MAPT: variants seen among roughly 807,000 people sequenced by gnomAD.
MAPT encodes the protein microtubule-associated protein tau.
In MAPT, 34 loss-of-function variants were observed where a neutral mutation model predicts 67.9. The observed-to-expected ratio is 0.50, with a 90% CI of 0.38 to 0.67. The LOEUF (loss-of-function observed/expected upper bound fraction) is 0.67, where lower values mean the gene tolerates loss of function less well. Ranked by LOEUF, MAPT falls within the 30% of genes least tolerant of loss-of-function variation. MAPT has a pLI of 0.00. For synonymous variants in MAPT, 456 were observed against 464.5 expected (o/e 0.98, Z 0.23); for missense variants, 881 against 1,115.2 (o/e 0.79, Z 2.99).
intron 9 of MAPT, among the ~76,000 whole-genome samples, chr17:45,998,140 C>G (rs12450013): frequency 0.023 from 3,577 of 152,240 alleles, 221 homozygotes; most frequent in East Asian, 0.19. Flanking sequence ...CAGGCGCTCT[C>G]CACACCATTG....
rs1458644271 is a variant in MAPT at position 45,915,544 on chromosome 17, ATG to A, written c.-18+20864_-18+20865del. Among the ~76,000 whole-genome samples the A allele has an allele frequency of 2.0e-4, 29 of 146,506 alleles. No homozygotes were observed. Among genetic ancestry groups the A allele is most frequent in the African/African-American group, 2.5e-5 (1 of 39,634 alleles). On this transcript the variant is annotated intron_variant, in intron 1 of 12. Coordinates refer to ENST00000262410, the MANE Select transcript of MAPT (RefSeq NM_001377265.1). This position sits in a 1 kb window ranked among gnomAD's most constrained non-coding sequence, Gnocchi z 4.4. ...GTGTCTGTGTGTGGTGTGTGTGAGC[ATG>A]TGTGTTGTGTGTGTGGTGCATGTGT...
At chr17:45,900,922 G>T (rs549517421) in intron 1 of MAPT, among the ~76,000 whole-genome samples, 1 of 152,196 alleles carries the variant, frequency 6.6e-6, no homozygotes, top group Non-Finnish European at 1.5e-5. Flanking sequence ...TAACTGCTCA[G>T]TAAATGGCAT....
chr17:45,974,487 A>G (rs945634164), intron 3 of MAPT: 1 of 1,585,128 alleles, frequency 6.3e-7, no homozygotes, highest in Non-Finnish European at 8.6e-7. Context: ...GGTAAGCCCC[A>G]GAGACCCCCA....
At chr17:45,943,489 C>T (rs1568210959) in intron 1 of MAPT, among the ~76,000 whole-genome samples, 1 of 152,144 alleles carries the variant, frequency 6.6e-6, no homozygotes, top group African/African-American at 2.4e-5. Context: ...TTCTCCCCTG[C>T]GACTTTCAGA....
Position 45,904,203 on chromosome 17 carries a change from CTA to C in MAPT, c.-18+9518_-18+9519del, listed in dbSNP as rs1357129410. 8.9e-3 allele frequency among the ~76,000 whole-genome samples: 242 copies of C among 27,262 alleles called. 3 individuals are homozygous for C. The highest frequency in any genetic ancestry group is 0.03 in the African/African-American group (238 of 7,810). The allele number at this position is 27,262 out of a possible 152,430, so 17.9% of individuals were successfully genotyped here. A position where few individuals can be genotyped will look rare whatever the true frequency, so the allele number is the denominator to read the frequency against. On this transcript the variant is annotated intron_variant, in intron 1 of 12. Transcript: ENST00000262410. ...ATAATATATTGTATATATTATATAT[CTA>C]ATATATTATATATATTATATATATT...
At chr17:45,918,471 G>A (rs2065396484) in intron 1 of MAPT, among the ~76,000 whole-genome samples, 1 of 152,304 alleles carries the variant, frequency 6.6e-6, no homozygotes, top group Non-Finnish European at 1.5e-5. Flanking sequence ...CGGAATCATA[G>A]CACCTCTCTT....
chr17:45,942,008 G>A (rs1044679546), intron 1 of MAPT, among the ~76,000 whole-genome samples: 5 of 151,992 alleles, frequency 3.3e-5, no homozygotes, highest in Non-Finnish European at 5.9e-5. Context: ...ACTCTGTAAC[G>A]AGAGCATTTT....
chr17:45,966,638 CTT>C (rs1215652994), intron 2 of MAPT, among the ~76,000 whole-genome samples: 1 of 152,148 alleles, frequency 6.6e-6, no homozygotes, highest in Non-Finnish European at 1.5e-5. Context: ...TTTTACCACT[CTT>C]ATTTTCTGAA....
intron 1 of MAPT, among the ~76,000 whole-genome samples, chr17:45,920,081 G>C (rs956980965): frequency 2.6e-5 from 4 of 152,264 alleles, no homozygotes; most frequent in African/African-American, 9.6e-5. Context: ...ATGAGCTGCA[G>C]GCGTGGAGCA....
chr17:45,927,385 G>T (rs1001509395), intron 1 of MAPT, among the ~76,000 whole-genome samples: 2 of 152,116 alleles, frequency 1.3e-5, no homozygotes, highest in African/African-American at 4.8e-5. Flanking sequence ...TGACCCAAGT[G>T]TGGGAGGCCC....
rs998955509 is a variant in MAPT at position 45,998,319 on chromosome 17, G to C, written c.1998+1655G>C. Among the ~76,000 whole-genome samples, 6 of 152,092 alleles carry C rather than the reference G, an allele frequency of 3.9e-5. No homozygotes were observed. The South Asian group carries it at 6.2e-4, about 16-fold the overall frequency. On this transcript the variant is annotated intron_variant, in intron 9 of 12. Transcript: ENST00000262410. ...ACATCCCATCGGGATGGAAATGGAC[G>C]GTCGGGTTAAAAGGGACGCATGTGT...
At chr17:46,022,653 C>T (rs1232173814) in intron 12 of MAPT, among the ~76,000 whole-genome samples, 5 of 152,164 alleles carry the variant, frequency 3.3e-5, no homozygotes, top group Admixed American at 3.3e-4. Flanking sequence ...CCGTGTCGGC[C>T]ACTTCAGGGT....
At chr17:45,997,731 G>A (rs2074615259) in intron 9 of MAPT, among the ~76,000 whole-genome samples, 2 of 152,186 alleles carry the variant, frequency 1.3e-5, no homozygotes, top group African/African-American at 4.8e-5. Context: ...CTGCACTCCA[G>A]TTTGAGCAAC....
rs187783806 is a variant in MAPT at position 46,027,809 on chromosome 17, G to T, written c.*3638G>T. ...TTTGGCCTGCTGCCCTCTTTCAGGG[G>T]TCCTAAGCCCACAATCATGCCTCCC... is the stretch of plus-strand genomic sequence containing the variant. On this transcript the variant is annotated 3_prime_UTR_variant, in exon 13 of 13. Coordinates refer to ENST00000262410, the MANE Select transcript of MAPT (RefSeq NM_001377265.1). 1 of 152,392 alleles carries T rather than the reference G, an allele frequency of 6.6e-6. No homozygotes were observed. Among genetic ancestry groups the T allele is most frequent in the East Asian group, 1.9e-4 (1 of 5,178 alleles). 9.4% of individuals were successfully genotyped at this position (152,392 alleles called of 1,614,324 possible). A position where few individuals can be genotyped will look rare whatever the true frequency, so the allele number is the denominator to read the frequency against.
At chr17:45,990,715 G>A (rs2073995074) in intron 7 of MAPT, among the ~76,000 whole-genome samples, 1 of 152,152 alleles carries the variant, frequency 6.6e-6, no homozygotes, top group Non-Finnish European at 1.5e-5. Context: ...ACAGCATCAC[G>A]CCATAGCAAC....
Position 45,936,833 on chromosome 17 carries a change from G to T in MAPT, c.-17-25488G>T, listed in dbSNP as rs143439645. 2.0e-3 allele frequency among the ~76,000 whole-genome samples: 303 copies of T among 152,226 alleles called. 1 individual carries two copies. Among genetic ancestry groups the T allele is most frequent in the African/African-American group, 7.1e-3 (294 of 41,540 alleles). ...AGCCTTCTTCTGTTTCAGGCCAACCGCAGGTGTGTTCCTGAACACCCAGGA... is the reference window on the plus strand; with the variant it reads ...AGCCTTCTTCTGTTTCAGGCCAACCTCAGGTGTGTTCCTGAACACCCAGGA... On this transcript the variant is annotated intron_variant, in intron 1 of 12. Transcript: ENST00000262410.
chr17:45,900,792 T>C (rs1428943917), intron 1 of MAPT, among the ~76,000 whole-genome samples: 1 of 152,142 alleles, frequency 6.6e-6, no homozygotes, highest in African/African-American at 2.4e-5. Flanking sequence ...TAAGCCATAT[T>C]GTTTAGCTGC....
chr17:46,020,405 C>T lies in MAPT; in HGVS notation c.2286+1675C>T, dbSNP rs147762898. Among the ~76,000 whole-genome samples the T allele has an allele frequency of 2.0e-5, 3 of 152,312 alleles. 1 individual carries two copies. The highest frequency in any genetic ancestry group is 4.4e-5 in the Non-Finnish European group (3 of 68,016). ...TTCTGCAGAAGCGCAGCCAAGCACCCTCTGGGGTTTCAGGCCCACACCCAG... is the reference window on the plus strand; with the variant it reads ...TTCTGCAGAAGCGCAGCCAAGCACCTTCTGGGGTTTCAGGCCCACACCCAG... On this transcript the variant is annotated intron_variant, in intron 12 of 12. Transcript: ENST00000262410.
chr17:45,946,981 C>T (rs754193717), intron 1 of MAPT, among the ~76,000 whole-genome samples: 2 of 152,068 alleles, frequency 1.3e-5, no homozygotes, highest in African/African-American at 2.4e-5. Flanking sequence ...GATTGAGGCC[C>T]GGAATTATTT....
Sources: gnomAD v4.1 joint callset for allele counts (sites outside exome capture counted in the v4.1 genomes callset) on GRCh38, gnomAD v4.1.1 for gene constraint, Gnocchi (gnomAD v3.1) non-coding constraint, MANE v1.5 for transcripts, NCBI Gene and HGNC (gene_info 2026-07-23, HGNC 2026-07-21) for gene names.